NREP: variants seen among roughly 807,000 people sequenced by gnomAD.
NREP encodes neuronal regeneration-related protein.
A neutral mutation model predicts 8.6 loss-of-function variants in NREP; 5 were observed. That is an observed-to-expected ratio of 0.58 (90% CI 0.30 to 1.22). NREP has a LOEUF of 1.22. Ranked by LOEUF, NREP falls within the 50% of genes most tolerant of loss-of-function variation. The probability of loss-of-function intolerance (pLI) is 0.07; values close to 1 mark genes in which losing one functional copy is unlikely to be tolerated. For synonymous variants in NREP, 27 were observed against 28.0 expected (o/e 0.96, Z 0.11); for missense variants, 86 against 82.5 (o/e 1.04, Z -0.17).
intron 2 of NREP, among the ~76,000 whole-genome samples, chr5:111,788,599 G>A (rs142458328): frequency 1.0e-3 from 154 of 152,292 alleles, no homozygotes; most frequent in African/African-American, 3.6e-3. Context: ...ACAGCCAGGC[G>A]TTCACTTCAC....
intron 2 of NREP, among the ~76,000 whole-genome samples, chr5:111,924,185 T>C (rs1200832452): frequency 6.6e-6 from 1 of 152,182 alleles, no homozygotes. Context: ...TTTGAAACTT[T>C]ATATCCCCTA....
At chr5:111,784,050 G>A (rs1751554751) in intron 2 of NREP, among the ~76,000 whole-genome samples, 1 of 152,128 alleles carries the variant, frequency 6.6e-6, no homozygotes, top group Non-Finnish European at 1.5e-5. Context: ...TGATATATAT[G>A]TGGGGTAGAG....
At chr5:111,868,583 A>G (rs1219610476) in intron 2 of NREP, among the ~76,000 whole-genome samples, 2 of 152,208 alleles carry the variant, frequency 1.3e-5, no homozygotes, top group African/African-American at 4.8e-5. Context: ...ATAGCCATTG[A>G]TAACAATGAG....
At chr5:111,922,451 G>A (rs1755270823) in intron 2 of NREP, among the ~76,000 whole-genome samples, 1 of 152,140 alleles carries the variant, frequency 6.6e-6, no homozygotes, top group African/African-American at 2.4e-5. Context: ...CCCAGTTAGT[G>A]AACGTATCCA....
chr5:111,943,629 C>G (rs1755893413), intron 2 of NREP, among the ~76,000 whole-genome samples: 1 of 152,070 alleles, frequency 6.6e-6, no homozygotes, highest in Non-Finnish European at 1.5e-5. Context: ...ACATTTCTGT[C>G]TGAGGAAATA....
chr5:111,759,043 A>G (rs1489997598), upstream of NREP, among the ~76,000 whole-genome samples: 3 of 152,220 alleles, frequency 2.0e-5, no homozygotes, highest in Non-Finnish European at 4.4e-5. Context: ...AACTCAACAA[A>G]TTCCCTTGAC....
At chr5:111,952,053 G>C (rs2112636090) in intron 2 of NREP, among the ~76,000 whole-genome samples, 1 of 152,176 alleles carries the variant, frequency 6.6e-6, no homozygotes, top group Middle Eastern at 3.4e-3. Flanking sequence ...GTATCATGTG[G>C]ACAAAGTTCT....
chr5:111,901,143 G>A (rs1754637369), intron 2 of NREP, among the ~76,000 whole-genome samples: 1 of 152,054 alleles, frequency 6.6e-6, no homozygotes, highest in African/African-American at 2.4e-5. Context: ...ATCATTACAA[G>A]ATGATTATGA....
At chr5:111,925,334 T>G (rs1581224063) in intron 2 of NREP, among the ~76,000 whole-genome samples, 1 of 152,252 alleles carries the variant, frequency 6.6e-6, no homozygotes, top group East Asian at 1.9e-4. Context: ...AGGGTCGAGG[T>G]GGCTTCTTAC....
intron 2 of NREP, among the ~76,000 whole-genome samples, chr5:111,909,572 A>C (rs963270550): frequency 6.6e-6 from 1 of 152,100 alleles, no homozygotes; most frequent in Non-Finnish European, 1.5e-5. Flanking sequence ...CTTTCTCCAC[A>C]TGAAGCAGTC....
intron 2 of NREP, among the ~76,000 whole-genome samples, chr5:111,836,608 C>A (rs1367607658): frequency 6.6e-6 from 1 of 151,932 alleles, no homozygotes; most frequent in Non-Finnish European, 1.5e-5. Context: ...AGACATGTGA[C>A]AAATAGGAGA....
At chr5:111,744,912 C>T (rs534205263) in intron 2 of NREP, among the ~76,000 whole-genome samples, 17 of 152,216 alleles carry the variant, frequency 1.1e-4, no homozygotes, top group Non-Finnish European at 2.2e-4. Flanking sequence ...ATAGATTTTT[C>T]CCCTCAGTCT....
chr5:111,914,254 T>A (rs1270514138), intron 2 of NREP, among the ~76,000 whole-genome samples: 2 of 152,110 alleles, frequency 1.3e-5, no homozygotes, highest in Non-Finnish European at 2.9e-5. Context: ...GAAGCAAAAT[T>A]TATTCAAAGA....
chr5:111,754,878 A>C (rs1404743394), intron 2 of NREP, among the ~76,000 whole-genome samples: 1 of 152,238 alleles, frequency 6.6e-6, no homozygotes, highest in Non-Finnish European at 1.5e-5. Context: ...GATTCATTAA[A>C]TTCCACCCTC....
intron 2 of NREP, among the ~76,000 whole-genome samples, chr5:111,884,302 T>A (rs994654402): frequency 1.3e-5 from 2 of 151,498 alleles, no homozygotes; most frequent in African/African-American, 2.4e-5. Flanking sequence ...AATAGACCAA[T>A]AACAGGAGCT....
intron 2 of NREP, among the ~76,000 whole-genome samples, chr5:111,827,273 C>T (rs553215553): frequency 1.3e-5 from 2 of 152,306 alleles, no homozygotes; most frequent in South Asian, 4.1e-4. Context: ...AAGGGATGCA[C>T]ACGTTTGGTT....
intron 1 of NREP, 66 bp from the exon 2 acceptor site, chr5:111,755,896 T>G (rs1279905823): frequency 4.4e-6 from 7 of 1,591,270 alleles, no homozygotes; most frequent in Admixed American, 3.4e-5. Flanking sequence ...GAAAAATGCC[T>G]CTTTAGAGGT....
chr5:111,858,214 C>G (rs1753467889), intron 2 of NREP, among the ~76,000 whole-genome samples: 1 of 152,102 alleles, frequency 6.6e-6, no homozygotes, highest in Admixed American at 6.6e-5. Context: ...AACCAGCCTC[C>G]CAGGTGATTC....
intron 2 of NREP, among the ~76,000 whole-genome samples, chr5:111,830,260 C>T (rs1349842286): frequency 6.6e-6 from 1 of 152,162 alleles, no homozygotes; most frequent in African/African-American, 2.4e-5. Flanking sequence ...TCGGACACTC[C>T]TGTCTTAGGT....
Sources: allele counts gnomAD v4.1 joint callset (sites outside exome capture counted in the v4.1 genomes callset), GRCh38; gene constraint gnomAD v4.1.1; transcripts MANE v1.5; gene names NCBI Gene and HGNC (gene_info 2026-07-23, HGNC 2026-07-21).